The following AVEN variants were observed in gnomAD, a reference collection of about 807,000 sequenced individuals.
AVEN encodes apoptosis and caspase activation inhibitor.
AVEN carries 41 observed loss-of-function variants against 38.1 expected under a neutral mutation model. The ratio of observed to expected loss-of-function variants is 1.08; its 90% confidence interval spans 0.84 to 1.40. AVEN has a LOEUF of 1.40. Among genes scored for constraint, AVEN ranks in the 40% most tolerant of loss-of-function variants. The pLI is 0.00. For synonymous variants in AVEN, 206 were observed against 171.8 expected, an observed-to-expected ratio of 1.20 and a Z score of -1.56; for missense variants, 605 against 438.8, an observed-to-expected ratio of 1.38 and a Z score of -3.38.
intron 5 of AVEN, chr15:34,062,512 A>G (rs1382958624): frequency 2.8e-4 from 145 of 515,388 alleles, no homozygotes; most frequent in Admixed American, 2.9e-4. Context: ...CTGAGATCGC[A>G]CCACTGCACT....
At chr15:34,008,952 G>A (rs11631888) in intron 1 of AVEN, among the ~76,000 whole-genome samples, 13,202 of 95,432 alleles carry the variant, frequency 0.14, 665 homozygotes, top group South Asian at 0.27. Context: ...ACGTGCGCGC[G>A]CGCACACACA....
At chr15:34,025,584 T>A (rs1008824660) in intron 1 of AVEN, among the ~76,000 whole-genome samples, 4 of 152,216 alleles carry the variant, frequency 2.6e-5, no homozygotes, top group African/African-American at 4.8e-5. Context: ...AATAGAATTG[T>A]AGCAATGTTA....
intron 2 of AVEN, among the ~76,000 whole-genome samples, chr15:34,001,108 C>A (rs1261348022): frequency 6.6e-6 from 1 of 151,476 alleles, no homozygotes; most frequent in Non-Finnish European, 1.5e-5. Flanking sequence ...ACAACCCCCA[C>A]CTCCCAGGCT....
chr15:33,960,124 T>G (rs1233541156), intron 2 of AVEN, among the ~76,000 whole-genome samples: 1 of 152,060 alleles, frequency 6.6e-6, no homozygotes, highest in Non-Finnish European at 1.5e-5. Flanking sequence ...CTTTTAGAAA[T>G]AAAATACAAA....
At chr15:33,887,923 T>C (rs1238240175) in intron 2 of AVEN, among the ~76,000 whole-genome samples, 1 of 152,190 alleles carries the variant, frequency 6.6e-6, no homozygotes, top group Non-Finnish European at 1.5e-5. Flanking sequence ...CCGGGTCCAA[T>C]GCCTGGAGTT....
intron 2 of AVEN, among the ~76,000 whole-genome samples, chr15:33,909,910 C>T (rs1217072848): frequency 6.6e-6 from 1 of 151,514 alleles, no homozygotes; most frequent in Non-Finnish European, 1.5e-5. Flanking sequence ...GGGTGGATCA[C>T]CTGAGGTCAG....
chr15:33,962,038 C>A (rs902214466), intron 2 of AVEN, among the ~76,000 whole-genome samples: 1 of 152,058 alleles, frequency 6.6e-6, no homozygotes, highest in African/African-American at 2.4e-5. Flanking sequence ...CCACACCCCA[C>A]ACAGAAAGAT....
intron 1 of AVEN, among the ~76,000 whole-genome samples, chr15:34,013,413 C>G (rs973884211): frequency 6.6e-6 from 1 of 152,094 alleles, no homozygotes; most frequent in Non-Finnish European, 1.5e-5. Flanking sequence ...TAGTTCCTTC[C>G]CAGGATAAAC....
At chr15:34,068,832 G>GTTTT (rs1204419853) in intron 2 of AVEN, among the ~76,000 whole-genome samples, 1 of 17,274 alleles carries the variant, frequency 5.8e-5, no homozygotes. Context: ...TTTTTTTTGA[G>GTTTT]ACGGAGTCTC....
At chr15:33,952,586 A>G (rs930818113) in intron 2 of AVEN, among the ~76,000 whole-genome samples, 2 of 152,206 alleles carry the variant, frequency 1.3e-5, no homozygotes, top group African/African-American at 4.8e-5. Flanking sequence ...GTCTTTTTTA[A>G]AAACTGGCTC....
At chr15:33,987,997 C>A (rs1278706425) in intron 2 of AVEN, among the ~76,000 whole-genome samples, 4 of 152,228 alleles carry the variant, frequency 2.6e-5, no homozygotes, top group Non-Finnish European at 5.9e-5. Context: ...ACCTGACCAA[C>A]TTCCATAGGC....
Position 33,871,774 on chromosome 15 carries a change from C to CAAAAAAAAAAAAAA in AVEN, c.517-758_517-745dup, listed in dbSNP as rs55793582. Among the ~76,000 whole-genome samples, 635 of 91,418 alleles carry CAAAAAAAAAAAAAA rather than the reference C, an allele frequency of 6.9e-3. 14 individuals are homozygous for CAAAAAAAAAAAAAA. Among genetic ancestry groups the CAAAAAAAAAAAAAA allele is most frequent in the South Asian group, 0.013 (35 of 2,598 alleles). The allele number at this position is 91,418 out of a possible 152,430, so 60.0% of individuals were successfully genotyped here. A position where few individuals can be genotyped will look rare whatever the true frequency, so the allele number is the denominator to read the frequency against. On this transcript the variant is annotated intron_variant, in intron 3 of 5. Transcript: ENST00000306730. ...AAGGTTTCAAACGAGCTAGTCTCCT[C>CAAAAAAAAAAAAAA]AAAAAAAAAAAAAAAAAGCCACTTT...
rs1036047519 is a variant in AVEN, at chr15:33,866,442, A to G, written c.*171T>C. On this transcript the variant is annotated 3_prime_UTR_variant, in exon 6 of 6. Coordinates refer to ENST00000306730, the MANE Select transcript of AVEN (RefSeq NM_020371.3). ...AAAACAAATGCAACAAGCTGCTTCA[A>G]TGTATTCTTTCAGATGTCAAACACA... The G allele has an allele frequency of 1.7e-6, 1 of 598,472 alleles. No homozygotes were observed. The allele number at this position is 598,472 out of a possible 1,614,324, so 37.1% of individuals were successfully genotyped here.
Position 34,038,810 on chromosome 15 carries a change from C to T in AVEN, c.237G>A (p.Pro79=), listed in dbSNP as rs751434700. ...CGCTGGCCCCTGCGCCCCAGCCTCC[C>T]GGCTCCCGGCGGCTGCCTCGCGGGG... is the stretch of plus-strand genomic sequence containing the variant. ...GGAPRGSRRE[P]GGWGAGASAP... Residue 79 remains proline (P), a synonymous_variant, in exon 1 of 6, where the codon CCG becomes CCA. Transcript: ENST00000306730. 40 of 1,192,412 alleles carry T rather than the reference C, an allele frequency of 3.4e-5. No individual in the cohort carries two copies. The Middle Eastern group carries it at 1.4e-3, about 41-fold the overall frequency. The allele number at this position is 1,192,412 out of a possible 1,614,324, so 73.9% of individuals were successfully genotyped here.
chr15:33,857,725 T>C (rs1003758029), downstream of AVEN: 2 of 1,606,782 alleles, frequency 1.2e-6, no homozygotes, highest in Non-Finnish European at 1.7e-6. Flanking sequence ...CCTGTGAACC[T>C]TTCAAGGTAG....
At chr15:33,853,534 C>T in the AVEN span, 2 of 1,611,586 alleles carry the variant, frequency 1.2e-6, no homozygotes, top group Non-Finnish European at 1.7e-6. Flanking sequence ...CCTGAGCTCA[C>T]CCTGTCATCC....
At chr15:33,998,598 A>G (rs1183102119) in intron 2 of AVEN, among the ~76,000 whole-genome samples, 1 of 152,228 alleles carries the variant, frequency 6.6e-6, no homozygotes, top group Non-Finnish European at 1.5e-5. Context: ...CTCTTCCCAC[A>G]TTCTTTTTAA....
downstream of AVEN, chr15:33,854,505 G>T: frequency 7.1e-7 from 1 of 1,412,598 alleles, no homozygotes. Context: ...GGATGCCACA[G>T]AGAAGCAAGC....
intron 5 of AVEN, among the ~76,000 whole-genome samples, chr15:34,060,185 C>G (rs549410225): frequency 5.3e-5 from 8 of 152,198 alleles, no homozygotes; most frequent in African/African-American, 1.9e-4. Context: ...GCTTCAACAA[C>G]TTGAAGAATG....
Sources: gnomAD v4.1 joint callset for allele counts (sites outside exome capture counted in the v4.1 genomes callset) on GRCh38, gnomAD v4.1.1 for gene constraint, MANE v1.5 for transcripts, NCBI Gene and HGNC (gene_info 2026-07-23, HGNC 2026-07-21) for gene names.